Variants in RAPGEF2 observed in about 807,000 individuals in gnomAD.
RAPGEF2 encodes PDZ domain containing guanine nucleotide exchange factor (GEF) 1.
Under a neutral mutation model 186.7 loss-of-function variants are expected in RAPGEF2, and 54 were observed. The ratio of observed to expected loss-of-function variants is 0.29; its 90% CI spans 0.23 to 0.36. The LOEUF (loss-of-function observed/expected upper bound fraction) is 0.36, where lower values mean the gene tolerates loss of function less well. Among genes scored for constraint, RAPGEF2 ranks in the 10% least tolerant of loss-of-function variants. The pLI, the probability that RAPGEF2 is intolerant of heterozygous loss-of-function variation, is 1.00. For missense variants in RAPGEF2, 1,532 were observed against 2,045.0 expected, an observed-to-expected ratio of 0.75 and a Z score of 4.84; for synonymous variants, 712 against 705.9, an observed-to-expected ratio of 1.01 and a Z score of -0.14.
chr4:159,185,539 T>A (rs1261975562), intron 1 of RAPGEF2, among the ~76,000 whole-genome samples: 2 of 152,188 alleles, frequency 1.3e-5, no homozygotes, highest in Non-Finnish European at 2.9e-5. Context: ...GAAAACATTG[T>A]GCTAAGTGAA....
chr4:159,205,886 T>C (rs372159288), intron 3 of RAPGEF2, among the ~76,000 whole-genome samples: 193 of 152,218 alleles, frequency 1.3e-3, no homozygotes, highest in African/African-American at 4.4e-3. Context: ...CTTAGGCTAC[T>C]GTAAACATGC....
At chr4:159,183,508 G>T (rs983489642) in intron 1 of RAPGEF2, among the ~76,000 whole-genome samples, 2 of 152,200 alleles carry the variant, frequency 1.3e-5, no homozygotes, top group African/African-American at 4.8e-5. Flanking sequence ...ATTAGGTAAT[G>T]GTTTCTTAAA....
At chr4:159,323,389 A>ACCTC (rs557458598) in intron 10 of RAPGEF2, 70 bp from the exon 11 acceptor site, 1,520 of 1,278,034 alleles carry the variant, frequency 1.2e-3, no homozygotes, top group Non-Finnish European at 1.5e-3. Flanking sequence ...ATTTTTAGGG[A>ACCTC]CCATACTGGC....
chr4:159,140,755 A>G (rs1424085896), intron 1 of RAPGEF2, among the ~76,000 whole-genome samples: 2 of 152,066 alleles, frequency 1.3e-5, no homozygotes, highest in Admixed American at 6.6e-5. Flanking sequence ...GATAACACCA[A>G]TTTAATGTTT....
chr4:159,326,821 T>C (rs1203246685), intron 11 of RAPGEF2: 1 of 152,278 alleles, frequency 6.6e-6, no homozygotes, highest in African/African-American at 2.4e-5. Flanking sequence ...CTTTATTCTT[T>C]TCCCTTGTTT....
At chr4:159,268,429 C>T (rs1757701641) in intron 7 of RAPGEF2, among the ~76,000 whole-genome samples, 1 of 152,050 alleles carries the variant, frequency 6.6e-6, no homozygotes, top group Non-Finnish European at 1.5e-5. Flanking sequence ...TTATTTAAAG[C>T]AAAATCACTA....
At chr4:159,200,504 A>G (rs545197029) in intron 3 of RAPGEF2, among the ~76,000 whole-genome samples, 2 of 152,146 alleles carry the variant, frequency 1.3e-5, no homozygotes, top group Non-Finnish European at 2.9e-5. Context: ...GAAAAAAATG[A>G]TAACATTAAT....
chr4:159,276,977 G>A (rs908069670), intron 7 of RAPGEF2, among the ~76,000 whole-genome samples: 15 of 152,072 alleles, frequency 9.9e-5, no homozygotes, highest in Non-Finnish European at 2.1e-4. Flanking sequence ...ACAACGTGCA[G>A]GTTTGTTACA....
chr4:159,320,348 A>G (rs1445892086), intron 9 of RAPGEF2, among the ~76,000 whole-genome samples: 6 of 152,232 alleles, frequency 3.9e-5, no homozygotes, highest in Non-Finnish European at 7.3e-5. Context: ...CTGCTTCTCC[A>G]GGAATAAATA....
intron 1 of RAPGEF2, among the ~76,000 whole-genome samples, chr4:159,162,274 CAAGTAGCT>C (rs1269865493): frequency 6.8e-6 from 1 of 147,876 alleles, no homozygotes; most frequent in East Asian, 2.0e-4. Context: ...CTTGTAGTCC[CAAGTAGCT>C]GGGACTACAA....
intron 1 of RAPGEF2, among the ~76,000 whole-genome samples, chr4:159,117,897 C>T (rs770615019): frequency 1.3e-5 from 2 of 151,898 alleles, no homozygotes; most frequent in Non-Finnish European, 2.9e-5. Context: ...GGATATTTTA[C>T]TGTCATAAAA....
chr4:159,104,111 G>A lies in RAPGEF2; in HGVS notation c.-52G>A, dbSNP rs988726220. 1.2e-4 allele frequency: 156 copies of A among 1,308,052 alleles called. No individual in the cohort carries two copies. Among genetic ancestry groups the A allele is most frequent in the Non-Finnish European group, 1.5e-4 (151 of 979,826 alleles). The allele number at this position is 1,308,052 out of a possible 1,614,324, so 81.0% of individuals were successfully genotyped here. On this transcript the variant is annotated 5_prime_UTR_variant, in exon 1 of 30. Transcript: ENST00000691494. ...CGGAGGCAGCAGCGGCGCTGGGCCGGGAGGAGGCCGGCCAGGGTGCGGAGC... is the reference window on the plus strand; with the variant it reads ...CGGAGGCAGCAGCGGCGCTGGGCCGAGAGGAGGCCGGCCAGGGTGCGGAGC...
At chr4:159,245,512 T>C (rs1754527865) in intron 7 of RAPGEF2, among the ~76,000 whole-genome samples, 1 of 152,042 alleles carries the variant, frequency 6.6e-6, no homozygotes, top group South Asian at 2.1e-4. Context: ...CTTTGGATGG[T>C]AATAGTTTAC....
chr4:159,295,744 TGTGTGTGTGTGCGC>T (rs1285179834), intron 7 of RAPGEF2, among the ~76,000 whole-genome samples: 305 of 132,720 alleles, frequency 2.3e-3, no homozygotes, highest in Middle Eastern at 3.6e-3. Context: ...TGTGTGTGTG[TGTGTGTGTGTGCGC>T]GCGCGCGCGC....
chr4:159,294,917 G>A (rs1761744771), intron 7 of RAPGEF2, among the ~76,000 whole-genome samples: 1 of 152,040 alleles, frequency 6.6e-6, no homozygotes, highest in South Asian at 2.1e-4. Flanking sequence ...GGTCTCAAAT[G>A]CCTAACCTCA....
intron 11 of RAPGEF2, among the ~76,000 whole-genome samples, chr4:159,324,980 A>C (rs1462078636): frequency 6.6e-6 from 1 of 152,194 alleles, no homozygotes; most frequent in Non-Finnish European, 1.5e-5. Context: ...TTTGAAAAAC[A>C]TCTGAATATA....
intron 7 of RAPGEF2, among the ~76,000 whole-genome samples, chr4:159,304,035 A>G (rs1762989330): frequency 6.6e-6 from 1 of 152,168 alleles, no homozygotes; most frequent in Non-Finnish European, 1.5e-5. Context: ...TAATTTGCTC[A>G]TTGACGTGTG....
At chr4:159,328,362 T>C (rs1766217284) in intron 11 of RAPGEF2, 1 of 152,084 alleles carries the variant, frequency 6.6e-6, no homozygotes, top group Non-Finnish European at 1.5e-5. Context: ...AAATGTAATA[T>C]CAGAGCTCTA....
intron 4 of RAPGEF2, among the ~76,000 whole-genome samples, chr4:159,213,439 G>C (rs944234392): frequency 3.9e-5 from 6 of 152,196 alleles, no homozygotes; most frequent in Admixed American, 2.6e-4. Context: ...GCATTCTCTT[G>C]AAAGTGCCAA....
Sources: gnomAD v4.1 joint callset for allele counts (sites outside exome capture counted in the v4.1 genomes callset) on GRCh38, gnomAD v4.1.1 for gene constraint, MANE v1.5 for transcripts, NCBI Gene and HGNC (gene_info 2026-07-23, HGNC 2026-07-21) for gene names.